Variants in ASH2L observed in about 807,000 individuals in gnomAD.
The protein encoded by ASH2L is ASH2 like, histone lysine methyltransferase complex subunit.
ASH2L carries 30 observed loss-of-function variants against 81.1 expected under a neutral mutation model. The observed-to-expected ratio is 0.37, with a 90% CI of 0.28 to 0.50. ASH2L has a LOEUF of 0.50. Ranked by LOEUF, ASH2L falls within the 20% of genes least tolerant of loss-of-function variation. The pLI is 0.95. For missense variants in ASH2L, 559 were observed against 792.1 expected, an observed-to-expected ratio of 0.71 and a Z score of 3.53; for synonymous variants, 273 against 279.9, an observed-to-expected ratio of 0.98 and a Z score of 0.24.
chr8:38,112,502 A>G (rs1386953173), intron 5 of ASH2L, among the ~76,000 whole-genome samples: 1 of 152,134 alleles, frequency 6.6e-6, no homozygotes, highest in African/African-American at 2.4e-5. Flanking sequence ...GGCTCAAGCA[A>G]TCTACCAGCC....
In ASH2L at chr8:38,128,971, G is replaced by A. The variant is rs1222952208; in HGVS notation, c.1527+20G>A. Reference sequence around the variant, plus strand: ...GATAAGGTGAGTTTGTCCTCTCCCGGCAGATTCCTGGCTTTGAAGGCCTGT... The same window carrying A: ...GATAAGGTGAGTTTGTCCTCTCCCGACAGATTCCTGGCTTTGAAGGCCTGT... On this transcript the variant is annotated intron_variant, in intron 12 of 15. Transcript: ENST00000343823. 3.1e-6 allele frequency: 5 copies of A among 1,602,928 alleles called. No individual in the cohort carries two copies. The African/African-American group carries it at 6.7e-5, about 22-fold the overall frequency.
intron 10 of ASH2L, among the ~76,000 whole-genome samples, chr8:38,121,782 A>G (rs894135771): frequency 6.6e-6 from 1 of 152,220 alleles, no homozygotes; most frequent in African/African-American, 2.4e-5. Flanking sequence ...ACAATGTCTT[A>G]TAGCATCATC....
At chr8:38,129,703 A>C (rs1198966268) in intron 12 of ASH2L, among the ~76,000 whole-genome samples, 18 of 152,094 alleles carry the variant, frequency 1.2e-4, no homozygotes, top group Non-Finnish European at 1.5e-5. Flanking sequence ...ACCATACTTT[A>C]ATTTGTACCT....
chr8:38,115,386 A>G (rs1262897419), intron 7 of ASH2L, among the ~76,000 whole-genome samples: 1 of 152,238 alleles, frequency 6.6e-6, no homozygotes. Context: ...TGTGTTGCAT[A>G]TCTAACATAA....
chr8:38,134,960 A>G (rs1030689919), intron 13 of ASH2L, among the ~76,000 whole-genome samples: 8 of 152,168 alleles, frequency 5.3e-5, no homozygotes, highest in Non-Finnish European at 1.2e-4. Context: ...GTGAAAAAGC[A>G]GAAGTGAGAA....
At chr8:38,118,087 A>T (rs1276605337) in intron 8 of ASH2L, among the ~76,000 whole-genome samples, 1 of 152,198 alleles carries the variant, frequency 6.6e-6, no homozygotes, top group East Asian at 1.9e-4. Flanking sequence ...TTGTTTTTTG[A>T]TTATGGTTAC....
chr8:38,105,753 C>A lies in ASH2L; in HGVS notation c.188+15C>A, dbSNP rs898623043. On this transcript the variant is annotated intron_variant, in intron 1 of 15. Transcript: ENST00000343823. ...GCTGAAGGCGGGTAAGAGGTCCTGC[C>A]GCCCGAGGAAGACGCGGGAGGGAGG... is the stretch of plus-strand genomic sequence containing the variant. 2.0e-6 allele frequency: 3 copies of A among 1,505,614 alleles called. No individual in the cohort carries two copies. The African/African-American group carries it at 4.3e-5, about 21-fold the overall frequency. The allele number at this position is 1,505,614 out of a possible 1,614,324, so 93.3% of individuals were successfully genotyped here.
At chr8:38,134,389 A>C (rs1281774835) in intron 13 of ASH2L, among the ~76,000 whole-genome samples, 1 of 151,898 alleles carries the variant, frequency 6.6e-6, no homozygotes, top group African/African-American at 2.4e-5. Flanking sequence ...CAGTGTCTTT[A>C]TTCTTTATCA....
intron 1 of ASH2L, 37 bp downstream of exon 1, chr8:38,105,775 G>T (rs781779479): frequency 6.7e-7 from 1 of 1,499,754 alleles, no homozygotes; most frequent in Non-Finnish European, 8.9e-7. Flanking sequence ...ACGCGGGAGG[G>T]AGGCCCGCCC....
Position 38,110,445 on chromosome 8 carries a change from C to G in ASH2L, c.468C>G (p.Thr156=), listed in dbSNP as rs1443164277. The G allele has an allele frequency of 1.9e-6, 3 of 1,613,956 alleles. No individual in the cohort carries two copies. The highest frequency in any genetic ancestry group is 8.5e-7 in the Non-Finnish European group (1 of 1,179,810). The stretch of plus-strand genomic sequence containing the variant: ...ACGTCTGCCATCACAGTGGGAATAC[C>G]TATTTCCTCCGGAAGCAAGCAAGTA... ...HCNVCHHSGN[T]YFLRKQANLK... is the part of the protein sequence containing the mutation. Residue 156 remains threonine, a synonymous_variant, in exon 4 of 16, where the codon ACC becomes ACG. Transcript: ENST00000343823.
intron 10 of ASH2L, chr8:38,122,283 C>G (rs1021238171): frequency 1.3e-5 from 2 of 151,984 alleles, no homozygotes; most frequent in African/African-American, 4.8e-5. Context: ...GTGTTCCTGG[C>G]CAATCTTATA....
At chr8:38,120,043 T>C (rs753096170) in intron 9 of ASH2L, among the ~76,000 whole-genome samples, 1 of 152,206 alleles carries the variant, frequency 6.6e-6, no homozygotes, top group Non-Finnish European at 1.5e-5. Flanking sequence ...GAGAATTGCT[T>C]GAACCCAGGA....
chr8:38,130,926 A>T (rs1463546936), intron 12 of ASH2L, among the ~76,000 whole-genome samples: 2 of 152,200 alleles, frequency 1.3e-5, no homozygotes, highest in Non-Finnish European at 2.9e-5. Flanking sequence ...CCATATGATT[A>T]CACAATTATC....
chr8:38,113,250 G>A (rs1299490156), intron 5 of ASH2L, among the ~76,000 whole-genome samples: 1 of 152,066 alleles, frequency 6.6e-6, no homozygotes, highest in Non-Finnish European at 1.5e-5. Context: ...GATTACAAGC[G>A]TGAGCCACCA....
In ASH2L at chr8:38,119,255, G is replaced by C. The variant is rs1811033765; in HGVS notation, c.854-15G>C. The C allele has an allele frequency of 4.5e-6, 7 of 1,549,072 alleles. No individual in the cohort carries two copies. The highest frequency in any genetic ancestry group is 2.7e-5 in the African/African-American group (2 of 72,952). On this transcript the variant is annotated splice_polypyrimidine_tract_variant and intron_variant, in intron 8 of 15. Transcript: ENST00000343823. ...CCTTGTGGCTCATTGAAAGCAATCTGCCTTCTCTTCAAAGGGGGAATTGCA... is the reference window on the plus strand; with the variant it reads ...CCTTGTGGCTCATTGAAAGCAATCTCCCTTCTCTTCAAAGGGGGAATTGCA...
chr8:38,115,410 A>T (rs1186142440), intron 7 of ASH2L, among the ~76,000 whole-genome samples: 1 of 152,220 alleles, frequency 6.6e-6, no homozygotes, highest in African/African-American at 2.4e-5. Flanking sequence ...GCAAACGAAA[A>T]TTGCTGTTTT....
At position 38,110,831 on chromosome 8, in the gene ASH2L, A is replaced by G; in HGVS notation, c.583A>G (p.Lys195Glu). 3 of 1,612,518 alleles carry G rather than the reference A, an allele frequency of 1.9e-6. No homozygotes were observed. Among genetic ancestry groups the G allele is most frequent in the Non-Finnish European group, 8.5e-7 (1 of 1,179,188 alleles). ...TCCGAAGACAATGTTCTCCAAAGAT[A>G]AGGTAGAGGTGGAACTAATGTGATT... ...EHPKTMFSKD[K>E]DIIPFIDKYW... The change falls in exon 5 of 16, where the codon AAG (lysine) becomes GAG (glutamate). Residue 195 changes from lysine to glutamate, a missense_variant and splice_region_variant. By Grantham distance (56) the Lys-to-Glu change is moderately conservative. Coordinates refer to ENST00000343823, the MANE Select transcript of ASH2L (RefSeq NM_004674.5).
Position 38,120,947 on chromosome 8 carries a change from T to C in ASH2L, c.963T>C (p.Ser321=). The part of the protein sequence containing the change: ...TKKARSDPLF[S]AQRLPPHGYP... ...CTTTCTGCAGTGACCCTTTGTTTTCTGCTCAGCGCCTTCCCCCTCATGGCT... is the reference window on the plus strand; with the variant it reads ...CTTTCTGCAGTGACCCTTTGTTTTCCGCTCAGCGCCTTCCCCCTCATGGCT... The change falls in exon 10 of 16, where the codon TCT becomes TCC. Residue 321 remains serine (S), a synonymous_variant. Transcript: ENST00000343823. 1 of 1,613,328 alleles carries C rather than the reference T, an allele frequency of 6.2e-7. No individual in the cohort carries two copies. Among genetic ancestry groups the C allele is most frequent in the Non-Finnish European group, 8.5e-7 (1 of 1,179,724 alleles).
At chr8:38,122,161 T>C (rs1422699144) in intron 10 of ASH2L, among the ~76,000 whole-genome samples, 1 of 152,204 alleles carries the variant, frequency 6.6e-6, no homozygotes, top group Non-Finnish European at 1.5e-5. Flanking sequence ...GTTGTTTAAA[T>C]TATTCCAGCT....
Sources: gnomAD v4.1 joint callset for allele counts (sites outside exome capture counted in the v4.1 genomes callset) on GRCh38, gnomAD v4.1.1 for gene constraint, MANE v1.5 for transcripts, NCBI Gene and HGNC (gene_info 2026-07-23, HGNC 2026-07-21) for gene names.